Variants in LOXHD1 observed in about 807,000 individuals in gnomAD.
LOXHD1 encodes lipoxygenase homology domain-containing protein 1.
LOXHD1 carries 205 observed loss-of-function variants against 248.2 expected under a neutral mutation model. The observed-to-expected ratio is 0.83, with a 90% CI of 0.74 to 0.93. The LOEUF (loss-of-function observed/expected upper bound fraction) is 0.93, where lower values mean the gene tolerates loss of function less well. Ranked by LOEUF, LOXHD1 falls within the 40% of genes least tolerant of loss-of-function variation. The pLI, the probability that LOXHD1 is intolerant of heterozygous loss-of-function variation, is 0.00. For synonymous variants in LOXHD1, 1,113 were observed against 1,162.8 expected, an observed-to-expected ratio of 0.96 and a Z score of 0.87; for missense variants, 2,930 against 2,971.6, an observed-to-expected ratio of 0.99 and a Z score of 0.33.
chr18:46,596,880 A>G (rs535939277), intron 8 of LOXHD1, among the ~76,000 whole-genome samples: 1 of 152,344 alleles, frequency 6.6e-6, no homozygotes, highest in African/African-American at 2.4e-5. Context: ...ACAGTGATAT[A>G]AAACACATTT....
chr18:46,601,135 C>A, intron 8 of LOXHD1, 82 bp downstream of exon 8: 1 of 1,470,990 alleles, frequency 6.8e-7, no homozygotes, highest in South Asian at 1.4e-5. Context: ...AGAGAAGTAG[C>A]ATTCAGGTTA....
At chr18:46,548,367 G>C (rs1368957972) in intron 21 of LOXHD1, among the ~76,000 whole-genome samples, 1 of 152,186 alleles carries the variant, frequency 6.6e-6, no homozygotes, top group Non-Finnish European at 1.5e-5. Context: ...CATTTTGCTA[G>C]AGTCTTCATT....
At chr18:46,485,402 G>C (rs948571219) in intron 38 of LOXHD1, among the ~76,000 whole-genome samples, 4 of 152,036 alleles carry the variant, frequency 2.6e-5, no homozygotes, top group Non-Finnish European at 5.9e-5. Flanking sequence ...GGAGCCACTG[G>C]GAATGCAGCA....
chr18:46,494,849 C>CTTT (rs58016824), intron 37 of LOXHD1, among the ~76,000 whole-genome samples: 5,125 of 96,534 alleles, frequency 0.053, 410 homozygotes, highest in Non-Finnish European at 0.073. Context: ...TTCTCTCTCT[C>CTTT]TTTTTTTTTT....
chr18:46,650,906 C>G (rs2039102563), intron 1 of LOXHD1, among the ~76,000 whole-genome samples: 1 of 152,144 alleles, frequency 6.6e-6, no homozygotes, highest in Non-Finnish European at 1.5e-5. Context: ...GGACAAGTGC[C>G]AGCCTCTCTG....
chr18:46,489,215 CA>C, intron 37 of LOXHD1, 73 bp from the exon 38 acceptor site: 1 of 1,477,162 alleles, frequency 6.8e-7, no homozygotes, highest in African/African-American at 1.4e-5. Flanking sequence ...TACATCCCCA[CA>C]ACCCATTGGC....
chr18:46,500,761 T>A (rs2034174544), intron 37 of LOXHD1, among the ~76,000 whole-genome samples: 1 of 152,182 alleles, frequency 6.6e-6, no homozygotes, highest in African/African-American at 2.4e-5. Context: ...GATTTTTCTT[T>A]AATTTTGGGA....
At chr18:46,523,490 T>C (rs2035679507) in intron 31 of LOXHD1, among the ~76,000 whole-genome samples, 1 of 152,198 alleles carries the variant, frequency 6.6e-6, no homozygotes, top group Non-Finnish European at 1.5e-5. Flanking sequence ...GACTTTTATG[T>C]GAGTGAAAAG....
At chr18:46,506,252 G>A (rs1242360706) in intron 36 of LOXHD1, among the ~76,000 whole-genome samples, 1 of 152,190 alleles carries the variant, frequency 6.6e-6, no homozygotes. Flanking sequence ...TCTAACTGGA[G>A]TCATGGTCAG....
chr18:46,530,019 G>A (rs1381791597), intron 28 of LOXHD1, among the ~76,000 whole-genome samples: 1 of 152,086 alleles, frequency 6.6e-6, no homozygotes, highest in East Asian at 1.9e-4. Flanking sequence ...TTGTTCTGCT[G>A]TTTTTATTTA....
intron 24 of LOXHD1, 57 bp from the exon 25 acceptor site, chr18:46,541,997 TG>T (rs2036582492): frequency 4.0e-6 from 6 of 1,482,542 alleles, no homozygotes; most frequent in Non-Finnish European, 5.4e-6. Flanking sequence ...TGATTTCCTG[TG>T]GGTAACTTCA....
At chr18:46,514,354 T>C (rs2035133696) in intron 34 of LOXHD1, among the ~76,000 whole-genome samples, 1 of 152,094 alleles carries the variant, frequency 6.6e-6, no homozygotes, top group Non-Finnish European at 1.5e-5. Context: ...CTTCCTCTTC[T>C]CTCAGACCAC....
rs2144400158 is a variant in LOXHD1 at position 46,649,359 on chromosome 18, G to A, written c.131-90C>T. The stretch of plus-strand genomic sequence containing the variant: ...GGAGAATCCAGCCCTTGCTGGGGAG[G>A]CCCAAGCACAAAGGACTCTTGGAAT... On this transcript the variant is annotated intron_variant, in intron 1 of 40. Coordinates refer to ENST00000642948, the MANE Select transcript of LOXHD1 (RefSeq NM_001384474.1). 2.7e-6 allele frequency: 3 copies of A among 1,126,480 alleles called. No homozygotes were observed. In the East Asian group the frequency reaches 7.8e-5, roughly 29 times the overall value. 69.8% of individuals were successfully genotyped at this position (1,126,480 alleles called of 1,614,324 possible).
At chr18:46,553,419 A>G (rs140179387) in intron 21 of LOXHD1, among the ~76,000 whole-genome samples, 164 of 152,350 alleles carry the variant, frequency 1.1e-3, no homozygotes, top group African/African-American at 3.7e-3. Flanking sequence ...ACTTAAACCT[A>G]AATCATCAGC....
intron 8 of LOXHD1, among the ~76,000 whole-genome samples, chr18:46,597,906 G>C (rs922553153): frequency 2.7e-5 from 4 of 149,572 alleles, no homozygotes; most frequent in Non-Finnish European, 5.9e-5. Flanking sequence ...GGCGCCCGCC[G>C]CCACACCTGG....
At chr18:46,481,536 G>A (rs2032569703) in intron 40 of LOXHD1, among the ~76,000 whole-genome samples, 1 of 152,206 alleles carries the variant, frequency 6.6e-6, no homozygotes, top group Non-Finnish European at 1.5e-5. Flanking sequence ...CCAAAGGGCA[G>A]CGTGAAGCAC....
intron 21 of LOXHD1, among the ~76,000 whole-genome samples, chr18:46,554,272 G>C (rs116776456): frequency 0.013 from 1,972 of 152,318 alleles, 42 homozygotes; most frequent in African/African-American, 0.045. Flanking sequence ...GAGTGGCAGA[G>C]AGGCATCCAA....
intron 37 of LOXHD1, among the ~76,000 whole-genome samples, chr18:46,500,683 T>A (rs2034169234): frequency 6.6e-6 from 1 of 152,222 alleles, no homozygotes; most frequent in Admixed American, 6.5e-5. Context: ...GCTTACAATA[T>A]TATGCATGGC....
intron 21 of LOXHD1, among the ~76,000 whole-genome samples, chr18:46,549,378 A>G (rs1422374059): frequency 2.6e-5 from 4 of 152,242 alleles, no homozygotes; most frequent in African/African-American, 9.6e-5. Flanking sequence ...TGAGTGTTGT[A>G]CAATATAAAT....
Sources: allele counts gnomAD v4.1 joint callset (sites outside exome capture counted in the v4.1 genomes callset), GRCh38; gene constraint gnomAD v4.1.1; transcripts MANE v1.5; gene names NCBI Gene and HGNC (gene_info 2026-07-23, HGNC 2026-07-21).